PRKCE: variants seen among roughly 807,000 people sequenced by gnomAD.
PRKCE encodes the protein protein kinase C epsilon.
PRKCE carries 16 observed loss-of-function variants against 85.4 expected under a neutral mutation model. The ratio of observed to expected loss-of-function variants is 0.19; its 90% CI spans 0.13 to 0.28. The LOEUF is 0.28. Among genes scored for constraint, PRKCE ranks in the 10% least tolerant of loss-of-function variants. The pLI is 1.00. For missense variants in PRKCE, 573 were observed against 975.2 expected (o/e 0.59, Z 5.49); for synonymous variants, 388 against 371.5 (o/e 1.04, Z -0.51).
chr2:45,784,784 A>T (rs1375527610), intron 1 of PRKCE, among the ~76,000 whole-genome samples: 1 of 152,236 alleles, frequency 6.6e-6, no homozygotes, highest in African/African-American at 2.4e-5. Flanking sequence ...ACCTATGGGG[A>T]TAGAAAGGAA....
At chr2:45,787,063 T>C (rs927212441) in intron 1 of PRKCE, among the ~76,000 whole-genome samples, 1 of 152,072 alleles carries the variant, frequency 6.6e-6, no homozygotes, top group Non-Finnish European at 1.5e-5. Context: ...AGACCCTGAG[T>C]GAATCTTATC....
chr2:45,956,366 T>A (rs2104380508), intron 2 of PRKCE, among the ~76,000 whole-genome samples: 1 of 152,218 alleles, frequency 6.6e-6, no homozygotes. Flanking sequence ...TTATGTATGG[T>A]AAGTGTGTGT....
intron 6 of PRKCE, among the ~76,000 whole-genome samples, chr2:45,992,157 G>A (rs905648993): frequency 6.6e-6 from 1 of 152,202 alleles, no homozygotes; most frequent in East Asian, 1.9e-4. Context: ...GGCCTGGAAA[G>A]GGGTGTAGGG....
At position 46,145,276 on chromosome 2, in the gene PRKCE, C is replaced by A. The variant is rs368991824; in HGVS notation, c.1731+45C>A. On this transcript the variant is annotated intron_variant, in intron 12 of 14. Coordinates refer to ENST00000306156, the MANE Select transcript of PRKCE (RefSeq NM_005400.3). The surrounding 1 kb of genome is among the most constrained non-coding windows in gnomAD (Gnocchi z 4.6). ...GTTCACCTCCTCCTGGTGCCAGGAC[C>A]GAGGCAGGGGTCCAAACCCATGCAC... 2 of 1,596,770 alleles carry A rather than the reference C, an allele frequency of 1.3e-6. No individual in the cohort carries two copies. Among genetic ancestry groups the A allele is most frequent in the East Asian group, 2.2e-5 (1 of 44,842 alleles).
intron 10 of PRKCE, among the ~76,000 whole-genome samples, chr2:46,045,554 G>C (rs1327566537): frequency 1.3e-5 from 2 of 152,182 alleles, no homozygotes; most frequent in Non-Finnish European, 2.9e-5. Context: ...TCCTCCCTCT[G>C]GTATCAAGGG....
At chr2:45,790,674 C>T (rs1305277104) in intron 1 of PRKCE, among the ~76,000 whole-genome samples, 1 of 152,322 alleles carries the variant, frequency 6.6e-6, no homozygotes, top group East Asian at 1.9e-4. Flanking sequence ...CCTTGGGTAA[C>T]CCTTCACGTT....
intron 1 of PRKCE, among the ~76,000 whole-genome samples, chr2:45,654,095 T>A (rs926888831): frequency 3.9e-5 from 6 of 152,166 alleles, no homozygotes; most frequent in Non-Finnish European, 8.8e-5. Flanking sequence ...GGAAAAAACT[T>A]GACGCTGGTA....
At chr2:45,711,342 C>A (rs558804522) in intron 1 of PRKCE, among the ~76,000 whole-genome samples, 1 of 152,162 alleles carries the variant, frequency 6.6e-6, no homozygotes, top group Non-Finnish European at 1.5e-5. Context: ...TGACCAAGAG[C>A]GAGGACTCAG....
intron 13 of PRKCE, among the ~76,000 whole-genome samples, chr2:46,157,565 G>C (rs1336494243): frequency 2.0e-5 from 3 of 152,156 alleles, no homozygotes; most frequent in African/African-American, 4.8e-5. Flanking sequence ...TAGCATGAAG[G>C]CTGAGAAACC....
At chr2:45,807,265 C>A (rs1688316351) in intron 1 of PRKCE, among the ~76,000 whole-genome samples, 1 of 152,188 alleles carries the variant, frequency 6.6e-6, no homozygotes, top group Non-Finnish European at 1.5e-5. Context: ...TAGCACATGG[C>A]GGATGCTCAC....
At chr2:46,066,105 G>A (rs559196481) in intron 10 of PRKCE, among the ~76,000 whole-genome samples, 1 of 152,228 alleles carries the variant, frequency 6.6e-6, no homozygotes, top group Non-Finnish European at 1.5e-5. Context: ...AGAGTGTGGA[G>A]CAGCAGGCTG....
In PRKCE at chr2:45,858,319, C is replaced by T. The variant is rs557465865; in HGVS notation, c.412+15256C>T. ...ACCAGCGTCTTTTGGATTTAACATT[C>T]ACTTCCTGTACTGCATGAGGCCTTC... On this transcript the variant is annotated intron_variant, in intron 2 of 14. Transcript: ENST00000306156. Among the ~76,000 whole-genome samples, 3 of 152,270 alleles carry T rather than the reference C, an allele frequency of 2.0e-5. No individual in the cohort carries two copies. In the South Asian group the frequency reaches 6.2e-4, roughly 32 times the overall value.
At chr2:45,665,973 T>G (rs139446372) in intron 1 of PRKCE, among the ~76,000 whole-genome samples, 2 of 152,234 alleles carry the variant, frequency 1.3e-5, no homozygotes, top group African/African-American at 4.8e-5. Context: ...ATATTTTTGA[T>G]GAGGGACCCC....
intron 1 of PRKCE, among the ~76,000 whole-genome samples, chr2:45,654,999 C>G (rs1285099029): frequency 1.3e-5 from 2 of 152,210 alleles, no homozygotes; most frequent in Non-Finnish European, 2.9e-5. Flanking sequence ...TCAGGTGTGG[C>G]TGAGAGATCT....
intron 2 of PRKCE, among the ~76,000 whole-genome samples, chr2:45,918,049 G>A (rs1399701624): frequency 2.0e-5 from 3 of 152,238 alleles, no homozygotes; most frequent in East Asian, 3.9e-4. Flanking sequence ...TCCCGCTGGC[G>A]CCTCTCCCTC....
chr2:46,067,845 G>T (rs187124484), intron 10 of PRKCE, among the ~76,000 whole-genome samples: 2 of 152,100 alleles, frequency 1.3e-5, no homozygotes, highest in South Asian at 2.1e-4. Context: ...AGAATATAAC[G>T]CAAGGTAGGG....
intron 10 of PRKCE, among the ~76,000 whole-genome samples, chr2:46,038,514 A>G (rs1348543219): frequency 1.3e-5 from 2 of 152,130 alleles, no homozygotes; most frequent in Non-Finnish European, 1.5e-5. Flanking sequence ...CTTAAAATGA[A>G]CTGGCTTCAG....
At chr2:45,757,736 A>G (rs566523690) in intron 1 of PRKCE, among the ~76,000 whole-genome samples, 6 of 152,308 alleles carry the variant, frequency 3.9e-5, no homozygotes, top group Admixed American at 3.9e-4. Context: ...TAAACAAGCC[A>G]TTATTGCCAA....
chr2:46,160,050 T>C (rs1677601715), intron 14 of PRKCE: 1 of 336,850 alleles, frequency 3.0e-6, no homozygotes, highest in Non-Finnish European at 5.4e-6. Flanking sequence ...CAAATGATAC[T>C]AGTTTTCCAT....
Sources: allele counts gnomAD v4.1 joint callset (sites outside exome capture counted in the v4.1 genomes callset), GRCh38; gene constraint gnomAD v4.1.1; non-coding constraint Gnocchi (gnomAD v3.1); transcripts MANE v1.5; gene names NCBI Gene and HGNC (gene_info 2026-07-23, HGNC 2026-07-21).